The following EPHB1 variants were observed in gnomAD, a reference collection of about 807,000 sequenced individuals.
EPHB1 encodes the protein EPH receptor B1, also known as ephrin type-B receptor 1.
A neutral mutation model predicts 94.4 loss-of-function variants in EPHB1; 30 were observed. That is an observed-to-expected ratio of 0.32 (90% CI 0.24 to 0.43). The LOEUF (loss-of-function observed/expected upper bound fraction) is 0.43, where lower values mean the gene tolerates loss of function less well. Ranked by LOEUF, EPHB1 falls within the 20% of genes least tolerant of loss-of-function variation. The probability of loss-of-function intolerance (pLI) is 1.00; values close to 1 mark genes in which losing one functional copy is unlikely to be tolerated. For synonymous variants in EPHB1, 522 were observed against 489.1 expected (o/e 1.07, Z -0.89); for missense variants, 1,055 against 1,308.3 (o/e 0.81, Z 2.99).
At chr3:134,941,714 T>A (rs2039118734) in intron 2 of EPHB1, among the ~76,000 whole-genome samples, 1 of 151,178 alleles carries the variant, frequency 6.6e-6, no homozygotes, top group East Asian at 1.9e-4. Flanking sequence ...TTTTTACAGA[T>A]AAATGAGTTT....
At chr3:134,845,907 A>AC (rs2108297936) in intron 1 of EPHB1, among the ~76,000 whole-genome samples, 1 of 151,840 alleles carries the variant, frequency 6.6e-6, no homozygotes, top group East Asian at 1.9e-4. Flanking sequence ...CCCACACAAT[A>AC]CCCCTCTGGC....
intron 4 of EPHB1, among the ~76,000 whole-genome samples, chr3:135,131,295 G>T (rs2107686601): frequency 6.6e-6 from 1 of 152,272 alleles, no homozygotes; most frequent in East Asian, 1.9e-4. Flanking sequence ...TTTGCTTTCT[G>T]CTCTAGCTGC....
intron 12 of EPHB1, among the ~76,000 whole-genome samples, chr3:135,233,004 C>G (rs1242496757): frequency 6.6e-6 from 1 of 152,172 alleles, no homozygotes; most frequent in Non-Finnish European, 1.5e-5. Context: ...ATCATGGGAA[C>G]TACAATTCAA....
rs150521008 is a variant in EPHB1, at chr3:135,086,927, C to T, written c.806-19521C>T. 3.1e-3 allele frequency among the ~76,000 whole-genome samples: 469 copies of T among 152,292 alleles called. 2 individuals carry two copies. The highest frequency in any genetic ancestry group is 0.01 in the African/African-American group (430 of 41,566). ...GGAGCTTCACAGTGAAAGAGCTGTTCTCTATTTTTTGCCTCCAGCATGCTT... is the reference window on the plus strand; with the variant it reads ...GGAGCTTCACAGTGAAAGAGCTGTTTTCTATTTTTTGCCTCCAGCATGCTT... On this transcript the variant is annotated intron_variant, in intron 3 of 15. Coordinates refer to ENST00000398015, the MANE Select transcript of EPHB1 (RefSeq NM_004441.5).
intron 1 of EPHB1, among the ~76,000 whole-genome samples, chr3:134,848,923 A>G (rs2036924925): frequency 6.6e-6 from 1 of 152,252 alleles, no homozygotes. Flanking sequence ...TTTCAATCCA[A>G]TACAAGAGCT....
chr3:135,095,342 G>C (rs950073947), intron 3 of EPHB1, among the ~76,000 whole-genome samples: 4 of 152,036 alleles, frequency 2.6e-5, no homozygotes, highest in African/African-American at 9.7e-5. Context: ...CTTATCTGTT[G>C]AATGAATGAG....
At chr3:134,944,972 A>G (rs1485966094) in intron 2 of EPHB1, among the ~76,000 whole-genome samples, 3 of 152,250 alleles carry the variant, frequency 2.0e-5, no homozygotes, top group African/African-American at 7.2e-5. Context: ...AAAAAGTATC[A>G]TAATGTGGCT....
chr3:135,248,526 G>T lies in EPHB1; in HGVS notation c.2690+17G>T, dbSNP rs11717042. On this transcript the variant is annotated intron_variant, in intron 14 of 15. Coordinates refer to ENST00000398015, the MANE Select transcript of EPHB1 (RefSeq NM_004441.5). ...CACCGCCGTGTGAGTCTAGTGAAAC[G>T]GTGATCCCTAAATATGGCTGGTTTC... 3.2e-6 allele frequency: 5 copies of T among 1,560,076 alleles called. No individual in the cohort carries two copies. In the African/African-American group the frequency reaches 6.8e-5, roughly 21 times the overall value.
intron 1 of EPHB1, among the ~76,000 whole-genome samples, chr3:134,811,620 C>T (rs947342854): frequency 6.6e-6 from 1 of 152,034 alleles, no homozygotes; most frequent in African/African-American, 2.4e-5. Flanking sequence ...TTGTGGACAT[C>T]TGTTCATGTA....
At chr3:135,140,689 T>C (rs1290657420) in intron 5 of EPHB1, among the ~76,000 whole-genome samples, 4 of 152,188 alleles carry the variant, frequency 2.6e-5, no homozygotes, top group Non-Finnish European at 5.9e-5. Flanking sequence ...TGCTCTTCTA[T>C]GACCTGGCCT....
At chr3:135,214,277 C>T (rs1242072701) in intron 12 of EPHB1, among the ~76,000 whole-genome samples, 1 of 152,210 alleles carries the variant, frequency 6.6e-6, no homozygotes, top group African/African-American at 2.4e-5. Flanking sequence ...CTCTTCCTCA[C>T]ATGCTGCCCT....
At chr3:135,186,184 A>T (rs1188048242) in intron 10 of EPHB1, among the ~76,000 whole-genome samples, 1 of 152,246 alleles carries the variant, frequency 6.6e-6, no homozygotes, top group Non-Finnish European at 1.5e-5. Context: ...AAGCTACAAG[A>T]AAAGAGAAAA....
intron 12 of EPHB1, among the ~76,000 whole-genome samples, chr3:135,219,364 A>G (rs1187610640): frequency 6.6e-6 from 1 of 152,026 alleles, no homozygotes; most frequent in Non-Finnish European, 1.5e-5. Context: ...GTCATAATGC[A>G]TTAGGATTAA....
intron 4 of EPHB1, among the ~76,000 whole-genome samples, chr3:135,112,436 A>G (rs1939485148): frequency 2.0e-5 from 3 of 152,078 alleles, no homozygotes; most frequent in Non-Finnish European, 1.5e-5. Context: ...GTACATGTGC[A>G]CAACGTGCAG....
intron 1 of EPHB1, among the ~76,000 whole-genome samples, chr3:134,873,796 T>C (rs1232310097): frequency 6.6e-6 from 1 of 151,894 alleles, no homozygotes; most frequent in Non-Finnish European, 1.5e-5. Context: ...AATGGAGGGG[T>C]CTCCAGTGTG....
chr3:135,128,948 G>A (rs946662935), intron 4 of EPHB1, among the ~76,000 whole-genome samples: 1 of 152,122 alleles, frequency 6.6e-6, no homozygotes, highest in African/African-American at 2.4e-5. Context: ...ACACCGCAGG[G>A]CATGTCTGGC....
chr3:135,227,533 A>AT lies in EPHB1; in HGVS notation c.2347-13613dup, dbSNP rs535291469. The stretch of plus-strand genomic sequence containing the variant: ...TGTTACTTAATGACTTATCCTGAAT[A>AT]TTACCTTTCCCCTTCAGCGCCTCAC... On this transcript the variant is annotated intron_variant, in intron 12 of 15. Transcript: ENST00000398015. Among the ~76,000 whole-genome samples, 166 of 152,228 alleles carry AT rather than the reference A, an allele frequency of 1.1e-3. 3 individuals are homozygous for AT. In the South Asian group the frequency reaches 0.033, roughly 30 times the overall value.
At chr3:134,837,461 A>G (rs536642655) in intron 1 of EPHB1, among the ~76,000 whole-genome samples, 13 of 152,328 alleles carry the variant, frequency 8.5e-5, no homozygotes, top group African/African-American at 2.9e-4. Context: ...ACTCTAGGAT[A>G]ACCATCAGAT....
intron 1 of EPHB1, among the ~76,000 whole-genome samples, chr3:134,897,190 G>A (rs540765441): frequency 5.9e-5 from 9 of 152,338 alleles, no homozygotes; most frequent in Admixed American, 4.6e-4. Flanking sequence ...CATCTGTAGG[G>A]TTCTGGAAGA....
Sources: allele counts gnomAD v4.1 joint callset (sites outside exome capture counted in the v4.1 genomes callset), GRCh38; gene constraint gnomAD v4.1.1; transcripts MANE v1.5; gene names NCBI Gene and HGNC (gene_info 2026-07-23, HGNC 2026-07-21).